The following DLG2 variants were observed in gnomAD, a reference collection of about 807,000 sequenced individuals.
DLG2 encodes the protein disks large homolog 2.
Under a neutral mutation model 132.5 loss-of-function variants are expected in DLG2, and 45 were observed. That is an observed-to-expected ratio of 0.34 (90% CI 0.27 to 0.44). DLG2 has a LOEUF of 0.44. Among genes scored for constraint, DLG2 ranks in the 20% least tolerant of loss-of-function variants. DLG2 has a pLI of 1.00. For synonymous variants in DLG2, 424 were observed against 419.6 expected, an observed-to-expected ratio of 1.01 and a Z score of -0.13; for missense variants, 1,045 against 1,196.9, an observed-to-expected ratio of 0.87 and a Z score of 1.87.
intron 6 of DLG2, among the ~76,000 whole-genome samples, chr11:84,565,090 TC>T (rs1055806819): frequency 1.3e-5 from 2 of 152,240 alleles, no homozygotes; most frequent in Non-Finnish European, 2.9e-5. Flanking sequence ...TATAAAGCAT[TC>T]CCTTCAAACT....
chr11:84,981,761 C>T (rs1241936611), intron 6 of DLG2, among the ~76,000 whole-genome samples: 1 of 152,112 alleles, frequency 6.6e-6, no homozygotes, highest in Non-Finnish European at 1.5e-5. Flanking sequence ...CCTCTCTCCT[C>T]CCTTTCACAG....
chr11:85,548,680 C>A (rs2076478341), intron 3 of DLG2, among the ~76,000 whole-genome samples: 1 of 152,174 alleles, frequency 6.6e-6, no homozygotes, highest in African/African-American at 2.4e-5. Context: ...TTCAGAGACG[C>A]CCTGTCCAGA....
intron 19 of DLG2, among the ~76,000 whole-genome samples, chr11:83,590,482 T>C (rs1489899579): frequency 6.6e-6 from 1 of 152,006 alleles, no homozygotes; most frequent in African/African-American, 2.4e-5. Context: ...CTGGGACACA[T>C]TCAAAGCAGT....
At chr11:84,873,921 A>C (rs1255515628) in intron 6 of DLG2, among the ~76,000 whole-genome samples, 1 of 152,200 alleles carries the variant, frequency 6.6e-6, no homozygotes, top group Non-Finnish European at 1.5e-5. Flanking sequence ...GAGCGGAATC[A>C]TTTATCATGA....
chr11:84,024,405 C>T (rs1288295327), intron 11 of DLG2, among the ~76,000 whole-genome samples: 33 of 152,154 alleles, frequency 2.2e-4, no homozygotes. Context: ...CCAGCAGTCT[C>T]ACTTCTGTTT....
rs535589016 is a variant in DLG2 at position 84,446,156 on chromosome 11, T to G, written c.519+88414A>C. Among the ~76,000 whole-genome samples, 3 of 152,142 alleles carry G rather than the reference T, an allele frequency of 2.0e-5. No homozygotes were observed. In the South Asian group the frequency reaches 6.2e-4, roughly 32 times the overall value. On this transcript the variant is annotated intron_variant, in intron 7 of 27. Transcript: ENST00000376104. ...TTCTATTTTTACCTTAAATTTCAAT[T>G]TATTGTTTTTTACCTACCTACAGAG...
intron 11 of DLG2, among the ~76,000 whole-genome samples, chr11:84,018,860 G>T (rs1431318174): frequency 6.6e-6 from 1 of 151,688 alleles, no homozygotes; most frequent in East Asian, 1.9e-4. Flanking sequence ...AAAAAAAAAT[G>T]GGCAAGACTA....
At chr11:84,405,430 CAT>C (rs2098845317) in intron 7 of DLG2, among the ~76,000 whole-genome samples, 2 of 152,160 alleles carry the variant, frequency 1.3e-5, no homozygotes, top group Admixed American at 1.3e-4. Flanking sequence ...ATGAAGGAGA[CAT>C]AGTCTTGTGT....
intron 6 of DLG2, among the ~76,000 whole-genome samples, chr11:84,874,501 T>C (rs1386056746): frequency 1.3e-5 from 2 of 152,168 alleles, no homozygotes; most frequent in African/African-American, 4.8e-5. Context: ...TGGGCTATCA[T>C]TAAAGGTTAT....
chr11:84,588,185 C>T (rs1165858164), intron 6 of DLG2, among the ~76,000 whole-genome samples: 1 of 152,114 alleles, frequency 6.6e-6, no homozygotes, highest in Non-Finnish European at 1.5e-5. Context: ...TGCTGAGCTC[C>T]TACTATGTGC....
chr11:83,605,708 A>G (rs1323151522), intron 19 of DLG2, among the ~76,000 whole-genome samples: 12 of 152,212 alleles, frequency 7.9e-5, no homozygotes, highest in Admixed American at 7.2e-4. Flanking sequence ...TACTTTCTAT[A>G]TTATCAGCTA....
intron 6 of DLG2, among the ~76,000 whole-genome samples, chr11:84,766,445 T>C (rs953792092): frequency 3.3e-5 from 5 of 152,062 alleles, no homozygotes; most frequent in Non-Finnish European, 4.4e-5. Context: ...TGTTAGCAAC[T>C]GGCCTAGCAC....
chr11:84,857,068 A>T (rs1420056848), intron 6 of DLG2, among the ~76,000 whole-genome samples: 1 of 151,026 alleles, frequency 6.6e-6, no homozygotes, highest in Non-Finnish European at 1.5e-5. Context: ...CATTGGTAAA[A>T]TTACCAATGG....
chr11:84,989,413 C>T lies in DLG2; in HGVS notation c.357+122248G>A, dbSNP rs145933558. ...GTGGTCTCAAACTCTTGACCTCAGG[C>T]GATCCACCCACCTTGGCCTCCCAAA... is the stretch of plus-strand genomic sequence containing the variant. On this transcript the variant is annotated intron_variant, in intron 6 of 27. Coordinates refer to ENST00000376104, the MANE Select transcript of DLG2 (RefSeq NM_001142699.3). 9.0e-3 allele frequency among the ~76,000 whole-genome samples: 1,371 copies of T among 152,142 alleles called. 66 individuals carry two copies. Among genetic ancestry groups the T allele is most frequent in the Non-Finnish European group, 1.7e-3 (114 of 68,002 alleles).
chr11:84,851,469 A>T (rs1010469161), intron 6 of DLG2, among the ~76,000 whole-genome samples: 1 of 152,006 alleles, frequency 6.6e-6, no homozygotes, highest in Admixed American at 6.6e-5. Context: ...GGAGCCCAGG[A>T]GTTTTGTGGC....
intron 3 of DLG2, among the ~76,000 whole-genome samples, chr11:85,519,318 C>A (rs1052791422): frequency 6.6e-6 from 1 of 152,144 alleles, no homozygotes; most frequent in Non-Finnish European, 1.5e-5. Flanking sequence ...GCAGAGATGC[C>A]CAGGACCATA....
intron 6 of DLG2, among the ~76,000 whole-genome samples, chr11:84,712,907 T>C (rs1202884849): frequency 1.3e-5 from 2 of 152,154 alleles, no homozygotes; most frequent in Non-Finnish European, 2.9e-5. Context: ...GAAGACCTAG[T>C]TGTAGCCTTG....
intron 6 of DLG2, among the ~76,000 whole-genome samples, chr11:84,969,153 T>A (rs2053726632): frequency 2.6e-5 from 4 of 152,094 alleles, no homozygotes; most frequent in Admixed American, 2.6e-4. Context: ...CATAATACCT[T>A]AATAACATTT....
chr11:84,176,128 G>T (rs1766043837), intron 8 of DLG2, among the ~76,000 whole-genome samples: 1 of 151,680 alleles, frequency 6.6e-6, no homozygotes, highest in South Asian at 2.1e-4. Context: ...TCAGTTTCCT[G>T]ATGGTTACCT....
Sources: gnomAD v4.1 joint callset for allele counts (sites outside exome capture counted in the v4.1 genomes callset) on GRCh38, gnomAD v4.1.1 for gene constraint, MANE v1.5 for transcripts, NCBI Gene and HGNC (gene_info 2026-07-23, HGNC 2026-07-21) for gene names.